The following GDI2 variants were observed in gnomAD, a reference collection of about 807,000 sequenced individuals.
The protein encoded by GDI2 is rab GDP dissociation inhibitor beta.
Under a neutral mutation model 54.2 loss-of-function variants are expected in GDI2, and 22 were observed. The observed-to-expected ratio is 0.41, with a 90% confidence interval of 0.29 to 0.58. The LOEUF is 0.58. GDI2 is among the 20% of genes least tolerant of loss of function. GDI2 has a pLI of 0.35. For missense variants in GDI2, 422 were observed against 546.0 expected (o/e 0.77, Z 2.26); for synonymous variants, 177 against 182.1 (o/e 0.97, Z 0.23).
chr10:5,810,549 T>C (rs1011982231), intron 1 of GDI2, among the ~76,000 whole-genome samples: 4 of 151,812 alleles, frequency 2.6e-5, no homozygotes, highest in Admixed American at 2.0e-4. Context: ...AGCCTGAGAG[T>C]AAAGGGGGCA....
rs372567607 is a variant in GDI2, at chr10:5,768,569, G to A, written c.820-185C>T. On this transcript the variant is annotated intron_variant, in intron 7 of 10. Coordinates refer to ENST00000380191, the MANE Select transcript of GDI2 (RefSeq NM_001494.4). The surrounding 1 kb of genome is among the most constrained non-coding windows in gnomAD (Gnocchi z 4.4). ...ATCTTAAAAGAAGAACAGCAAAGCT[G>A]GAGGACTCACTCACTAAAAAGCTAC... 39 of 577,378 alleles carry A rather than the reference G, an allele frequency of 6.8e-5. No individual in the cohort carries two copies. The East Asian group carries it at 7.7e-4, about 11-fold the overall frequency. 35.8% of individuals were successfully genotyped at this position (577,378 alleles called of 1,614,324 possible).
intron 1 of GDI2, among the ~76,000 whole-genome samples, chr10:5,810,942 C>T (rs1321874071): frequency 6.6e-6 from 1 of 152,216 alleles, no homozygotes. Flanking sequence ...CACTTCCTTA[C>T]ACTTCTTTAA....
rs771800288 is a variant in GDI2, at chr10:5,768,388, T to A, written c.820-4A>T. 7 of 1,600,334 alleles carry A rather than the reference T, an allele frequency of 4.4e-6. No individual in the cohort carries two copies. Among genetic ancestry groups the A allele is most frequent in the Middle Eastern group, 1.7e-4 (1 of 6,054 alleles). ...TGAGCTGCTTACAGCGAGCAATCTA[T>A]AACAAAGCATTTAAGAAGACACTGA... On this transcript the variant is annotated splice_polypyrimidine_tract_variant and splice_region_variant and intron_variant, in intron 7 of 10. Transcript: ENST00000380191. This position sits in a 1 kb window ranked among gnomAD's most constrained non-coding sequence, Gnocchi z 4.4.
chr10:5,805,137 C>G (rs566969677), intron 1 of GDI2, among the ~76,000 whole-genome samples: 3 of 151,896 alleles, frequency 2.0e-5, no homozygotes, highest in African/African-American at 7.3e-5. Context: ...CGGCTACTAT[C>G]GGGAGCTTTT....
chr10:5,781,173 T>TAAA (rs56401510), intron 6 of GDI2, among the ~76,000 whole-genome samples: 1 of 134,068 alleles, frequency 7.5e-6, no homozygotes, highest in Non-Finnish European at 1.6e-5. Flanking sequence ...TATTCGTATG[T>TAAA]AAAAAAAAAA....
In GDI2 at chr10:5,768,076, C is replaced by T. The variant is rs79688417; in HGVS notation, c.991+137G>A. On this transcript the variant is annotated intron_variant, in intron 8 of 10. Transcript: ENST00000380191. This position sits in a 1 kb window ranked among gnomAD's most constrained non-coding sequence, Gnocchi z 4.4. ...AATGCTGCCGGAGCAGGAGGAGGTA[C>T]AAAGATTTTTTTCCCCCATATGTAA... 1.2e-3 allele frequency: 785 copies of T among 649,812 alleles called. 4 individuals carry two copies. The highest frequency in any genetic ancestry group is 0.011 in the African/African-American group (586 of 51,468). The allele number at this position is 649,812 out of a possible 1,614,324, so 40.3% of individuals were successfully genotyped here. A position where few individuals can be genotyped will look rare whatever the true frequency, so the allele number is the denominator to read the frequency against.
intron 1 of GDI2, among the ~76,000 whole-genome samples, chr10:5,803,776 G>T (rs2131718664): frequency 6.6e-6 from 1 of 152,276 alleles, no homozygotes; most frequent in East Asian, 1.9e-4. Flanking sequence ...TACAATTAAT[G>T]TGAAGAAACA....
intron 7 of GDI2, among the ~76,000 whole-genome samples, chr10:5,773,379 T>TC (rs2131684659): frequency 1.3e-5 from 2 of 152,250 alleles, no homozygotes; most frequent in East Asian, 3.9e-4. Context: ...ATTTTTTTTT[T>TC]CAGTAGCATC....
At chr10:5,804,620 T>C (rs1322689464) in intron 1 of GDI2, among the ~76,000 whole-genome samples, 2 of 152,218 alleles carry the variant, frequency 1.3e-5, no homozygotes, top group East Asian at 1.9e-4. Context: ...GTTTTGTGCA[T>C]GGTCTATTTA....
In GDI2 at chr10:5,768,417, G is replaced by C. The variant is rs374553844; in HGVS notation, c.820-33C>G. The C allele has an allele frequency of 1.4e-6, 2 of 1,427,578 alleles. No homozygotes were observed. The highest frequency in any genetic ancestry group is 2.8e-5 in the African/African-American group (2 of 71,364). 88.4% of individuals were successfully genotyped at this position (1,427,578 alleles called of 1,614,324 possible). A position where few individuals can be genotyped will look rare whatever the true frequency, so the allele number is the denominator to read the frequency against. On this transcript the variant is annotated intron_variant, in intron 7 of 10. Transcript: ENST00000380191. This position sits in a 1 kb window ranked among gnomAD's most constrained non-coding sequence, Gnocchi z 4.4. Reference sequence around the variant, plus strand: ...AAAGCATTTAAGAAGACACTGAAGCGGACAAGGATATAGGGAAACACATCC... The same window carrying C: ...AAAGCATTTAAGAAGACACTGAAGCCGACAAGGATATAGGGAAACACATCC...
At chr10:5,809,556 C>T (rs1037110781) in intron 1 of GDI2, among the ~76,000 whole-genome samples, 1 of 152,166 alleles carries the variant, frequency 6.6e-6, no homozygotes, top group Non-Finnish European at 1.5e-5. Context: ...TTTCCTGATT[C>T]CCTGACTGAA....
chr10:5,805,964 G>A (rs1445147997), intron 1 of GDI2, among the ~76,000 whole-genome samples: 1 of 152,110 alleles, frequency 6.6e-6, no homozygotes, highest in Non-Finnish European at 1.5e-5. Flanking sequence ...TTTACTCCTG[G>A]TGGATATTTG....
intron 1 of GDI2, among the ~76,000 whole-genome samples, chr10:5,803,288 G>A (rs1349980959): frequency 1.3e-5 from 2 of 152,148 alleles, no homozygotes; most frequent in African/African-American, 4.8e-5. Flanking sequence ...TGGGTGTGGT[G>A]GTGAGCACCT....
chr10:5,810,393 C>A (rs1841460232), intron 1 of GDI2, among the ~76,000 whole-genome samples: 1 of 152,138 alleles, frequency 6.6e-6, no homozygotes, highest in African/African-American at 2.4e-5. Context: ...ATTTCCAAGT[C>A]CATAGTGAAC....
chr10:5,791,812 A>G (rs1231321206), intron 4 of GDI2, among the ~76,000 whole-genome samples: 1 of 151,748 alleles, frequency 6.6e-6, no homozygotes, highest in African/African-American at 2.4e-5. Context: ...GCTATTCAGG[A>G]GGCTGAGGCA....
intron 4 of GDI2, 75 bp from the exon 5 acceptor site, chr10:5,786,125 T>G: frequency 1.1e-6 from 1 of 893,760 alleles, no homozygotes. Flanking sequence ...AGAGCAAAGT[T>G]TAAACATGCC....
chr10:5,789,891 T>C (rs947021872), intron 4 of GDI2, among the ~76,000 whole-genome samples: 23 of 152,250 alleles, frequency 1.5e-4, no homozygotes, highest in African/African-American at 5.1e-4. Context: ...TTGTTGCTAA[T>C]GTGGTGAGCT....
At chr10:5,775,433 A>G (rs1381329828) in intron 6 of GDI2, among the ~76,000 whole-genome samples, 1 of 152,194 alleles carries the variant, frequency 6.6e-6, no homozygotes, top group Non-Finnish European at 1.5e-5. Flanking sequence ...TCAGGCAGCA[A>G]CTTCCCTAGT....
intron 5 of GDI2, among the ~76,000 whole-genome samples, chr10:5,785,631 C>A (rs1405766712): frequency 6.6e-6 from 1 of 152,210 alleles, no homozygotes; most frequent in Non-Finnish European, 1.5e-5. Context: ...CCAACTTGGC[C>A]TCCCAAAGTG....
Sources: allele counts gnomAD v4.1 joint callset (sites outside exome capture counted in the v4.1 genomes callset), GRCh38; gene constraint gnomAD v4.1.1; non-coding constraint Gnocchi (gnomAD v3.1); transcripts MANE v1.5; gene names NCBI Gene and HGNC (gene_info 2026-07-23, HGNC 2026-07-21).